The following STPG2 variants were observed in gnomAD, a reference collection of about 807,000 sequenced individuals.
STPG2 encodes sperm-tail PG-rich repeat-containing protein 2.
Under a neutral mutation model 54.2 loss-of-function variants are expected in STPG2, and 56 were observed. That is an observed-to-expected ratio of 1.03 (90% CI 0.83 to 1.29). The LOEUF (loss-of-function observed/expected upper bound fraction) is 1.29. Ranked by LOEUF, STPG2 falls within the 50% of genes most tolerant of loss-of-function variation. The pLI, the probability that STPG2 is intolerant of heterozygous loss-of-function variation, is 0.00. For missense variants in STPG2, 596 were observed against 544.9 expected, an observed-to-expected ratio of 1.09 and a Z score of -0.93; for synonymous variants, 200 against 181.8, an observed-to-expected ratio of 1.10 and a Z score of -0.81.
intron 4 of STPG2, among the ~76,000 whole-genome samples, chr4:97,542,450 C>G (rs1731736188): frequency 6.6e-6 from 1 of 152,166 alleles, no homozygotes; most frequent in Admixed American, 6.5e-5. Flanking sequence ...GAACTGCGAT[C>G]ATTAAAAAGT....
chr4:98,135,567 A>C (rs569755551), intron 1 of STPG2, among the ~76,000 whole-genome samples: 22 of 151,970 alleles, frequency 1.4e-4, no homozygotes, highest in African/African-American at 4.8e-4. Flanking sequence ...ATCCACATTG[A>C]GATGATCAGG....
At chr4:97,943,175 A>G (rs1247964043) in intron 8 of STPG2, among the ~76,000 whole-genome samples, 1 of 152,108 alleles carries the variant, frequency 6.6e-6, no homozygotes, top group Non-Finnish European at 1.5e-5. Flanking sequence ...TACTAATCCT[A>G]TTTATGAGGT....
At chr4:97,506,696 CAAATGGACTGTT>C (rs1730852183) in intron 4 of STPG2, among the ~76,000 whole-genome samples, 1 of 151,532 alleles carries the variant, frequency 6.6e-6, no homozygotes. Context: ...TAGAAAATGG[CAAATGGACTGTT>C]ATATTAGACT....
chr4:98,062,101 G>T (rs187273273), intron 5 of STPG2, among the ~76,000 whole-genome samples: 1 of 152,274 alleles, frequency 6.6e-6, no homozygotes, highest in East Asian at 1.9e-4. Flanking sequence ...ATACACCATG[G>T]AATACTATGC....
intron 9 of STPG2, among the ~76,000 whole-genome samples, chr4:97,803,945 C>T (rs1377483397): frequency 6.6e-6 from 1 of 152,180 alleles, no homozygotes; most frequent in Non-Finnish European, 1.5e-5. Context: ...CCCACCTAAA[C>T]AAGACATTTA....
At chr4:98,056,283 G>C (rs897625607) in intron 5 of STPG2, among the ~76,000 whole-genome samples, 14 of 152,012 alleles carry the variant, frequency 9.2e-5, no homozygotes, top group African/African-American at 3.1e-4. Context: ...TCTCCAGCCA[G>C]TACCCATCCC....
chr4:97,653,269 T>C (rs1354984068), intron 10 of STPG2, among the ~76,000 whole-genome samples: 1 of 151,928 alleles, frequency 6.6e-6, no homozygotes, highest in Non-Finnish European at 1.5e-5. Context: ...GAAAGATAAA[T>C]TAGTTTTCCT....
chr4:97,887,299 G>A (rs191751495), intron 8 of STPG2, among the ~76,000 whole-genome samples: 20 of 152,288 alleles, frequency 1.3e-4, no homozygotes, highest in East Asian at 1.2e-3. Context: ...CTAGAGACTG[G>A]TTCAATGGTT....
intron 8 of STPG2, among the ~76,000 whole-genome samples, chr4:97,928,273 T>A (rs1447821678): frequency 6.6e-6 from 1 of 152,176 alleles, no homozygotes; most frequent in Non-Finnish European, 1.5e-5. Context: ...GAACTTTACT[T>A]GCCACTCTGG....
chr4:97,856,140 G>C (rs1307689646), intron 8 of STPG2, among the ~76,000 whole-genome samples: 1 of 152,060 alleles, frequency 6.6e-6, no homozygotes, highest in Non-Finnish European at 1.5e-5. Flanking sequence ...GGATTTTCTT[G>C]GCTATTTGAC....
At chr4:97,765,086 A>G (rs1481129702) in intron 9 of STPG2, among the ~76,000 whole-genome samples, 1 of 152,184 alleles carries the variant, frequency 6.6e-6, no homozygotes, top group Non-Finnish European at 1.5e-5. Context: ...TACCTGGTGT[A>G]TAATACAGGA....
intron 9 of STPG2, among the ~76,000 whole-genome samples, chr4:97,717,275 G>C (rs916317874): frequency 6.6e-6 from 1 of 151,986 alleles, no homozygotes. Flanking sequence ...AAACCAAAAG[G>C]GTATTTCATA....
At chr4:97,888,007 T>C (rs1029098596) in intron 8 of STPG2, among the ~76,000 whole-genome samples, 1 of 152,134 alleles carries the variant, frequency 6.6e-6, no homozygotes, top group African/African-American at 2.4e-5. Flanking sequence ...AGCTTCCACA[T>C]GGTATTAAGC....
intron 8 of STPG2, among the ~76,000 whole-genome samples, chr4:97,866,351 C>T (rs1729778946): frequency 6.6e-6 from 1 of 151,910 alleles, no homozygotes. Flanking sequence ...ATCAAAGTAT[C>T]TCATATACCC....
intron 5 of STPG2, among the ~76,000 whole-genome samples, chr4:98,081,433 G>GT (rs570399659): frequency 1.0e-3 from 157 of 152,034 alleles, no homozygotes; most frequent in African/African-American, 3.7e-3. Context: ...AGCTAAGGGG[G>GT]TTCTCTTGTG....
chr4:97,576,304 C>T (rs1051771597), intron 10 of STPG2, among the ~76,000 whole-genome samples: 2 of 147,416 alleles, frequency 1.4e-5, no homozygotes, highest in Non-Finnish European at 3.0e-5. Context: ...GCCCCAATAG[C>T]CAGAGCAGTC....
At chr4:97,749,268 G>A (rs868551288) in intron 9 of STPG2, among the ~76,000 whole-genome samples, 6 of 151,598 alleles carry the variant, frequency 4.0e-5, no homozygotes, top group African/African-American at 1.2e-4. Flanking sequence ...AGAGGCAAGC[G>A]CCTTCACCCT....
At chr4:97,587,344 T>C (rs1733025951) in intron 10 of STPG2, among the ~76,000 whole-genome samples, 1 of 152,004 alleles carries the variant, frequency 6.6e-6, no homozygotes, top group Non-Finnish European at 1.5e-5. Context: ...CCACATTACT[T>C]TGGACCAACA....
chr4:97,944,251 A>G (rs1463688658), intron 7 of STPG2, among the ~76,000 whole-genome samples: 28 of 152,110 alleles, frequency 1.8e-4, no homozygotes, highest in Admixed American at 1.8e-3. Flanking sequence ...GGATCTGCAC[A>G]CATTACTTAA....
Sources: allele counts gnomAD v4.1 joint callset (sites outside exome capture counted in the v4.1 genomes callset), GRCh38; gene constraint gnomAD v4.1.1; transcripts MANE v1.5; gene names NCBI Gene and HGNC (gene_info 2026-07-23, HGNC 2026-07-21).